Variants in DNMT3A observed in about 807,000 individuals in gnomAD.
DNMT3A encodes DNA (cytosine-5)-methyltransferase 3A.
A neutral mutation model predicts 117.6 loss-of-function variants in DNMT3A; 267 were observed. The ratio of observed to expected loss-of-function variants is 2.27; its 90% CI spans 2.05 to 2.51. DNMT3A has a LOEUF of 2.51. Ranked by LOEUF, DNMT3A falls within the 30% of genes most tolerant of loss-of-function variation. The pLI is 0.00. For missense variants in DNMT3A, 1,029 were observed against 1,260.2 expected (o/e 0.82, Z 2.78); for synonymous variants, 432 against 474.8 (o/e 0.91, Z 1.17).
chr2:25,333,910 T>C (rs1035398368), intron 1 of DNMT3A, among the ~76,000 whole-genome samples: 25 of 152,296 alleles, frequency 1.6e-4, no homozygotes, highest in African/African-American at 5.8e-4. Flanking sequence ...TGAGCACAAA[T>C]GGGGCTGAGA....
chr2:25,275,201 CT>C, intron 5 of DNMT3A, 114 bp from the exon 6 acceptor site: 1 of 1,385,084 alleles, frequency 7.2e-7, no homozygotes, highest in Non-Finnish European at 9.5e-7. Context: ...GAGGGCACCC[CT>C]GGGAGTGCTG....
intron 20 of DNMT3A, 99 bp downstream of exon 20, chr2:25,239,031 G>A: frequency 1.0e-6 from 1 of 978,870 alleles, no homozygotes; most frequent in Non-Finnish European, 1.5e-6. Flanking sequence ...TTCAGCAGAG[G>A]CCGGCCAGAG....
Position 25,247,464 on chromosome 2 carries a change from G to A in DNMT3A, c.1014+127C>T. 7.2e-7 allele frequency: 1 copy of A among 1,396,172 alleles called. No homozygotes were observed. The highest frequency in any genetic ancestry group is 9.7e-7 in the Non-Finnish European group (1 of 1,027,366). The allele number at this position is 1,396,172 out of a possible 1,614,324, so 86.5% of individuals were successfully genotyped here. A position where few individuals can be genotyped will look rare whatever the true frequency, so the allele number is the denominator to read the frequency against. On this transcript the variant is annotated intron_variant, in intron 8 of 22. Coordinates refer to ENST00000321117, the MANE Select transcript of DNMT3A (RefSeq NM_022552.5). This position sits in a 1 kb window ranked among gnomAD's most constrained non-coding sequence, Gnocchi z 5.6. Reference sequence around the variant, plus strand: ...CCTACAGCTTCTTCCACCCACCACAGGCAGAGTAGGGGTGAGCAGAACCCA... The same window carrying A: ...CCTACAGCTTCTTCCACCCACCACAAGCAGAGTAGGGGTGAGCAGAACCCA...
At chr2:25,244,446 G>A in intron 14 of DNMT3A, 94 bp downstream of exon 14, 2 of 1,573,456 alleles carry the variant, frequency 1.3e-6, no homozygotes, top group Non-Finnish European at 1.7e-6. Flanking sequence ...CTAGGGGGTG[G>A]AGGGTCTGTG....
At position 25,304,873 on chromosome 2, in the gene DNMT3A, C is replaced by A. The variant is rs1290209088; in HGVS notation, c.73-4630G>T. Among the ~76,000 whole-genome samples the A allele has an allele frequency of 1.3e-5, 2 of 152,224 alleles. No homozygotes were observed. The highest frequency in any genetic ancestry group is 4.8e-5 in the African/African-American group (2 of 41,446). On this transcript the variant is annotated intron_variant, in intron 2 of 22. Transcript: ENST00000321117. This position sits in a 1 kb window ranked among gnomAD's most constrained non-coding sequence, Gnocchi z 4.3. ...GTTACTCGCTTTTCCAGCCTCCTAT[C>A]CTGGATTCCCTGCCCCTAGGCCCCC... is the stretch of plus-strand genomic sequence containing the variant.
chr2:25,272,015 C>T (rs980026424), intron 6 of DNMT3A, among the ~76,000 whole-genome samples: 1 of 152,186 alleles, frequency 6.6e-6, no homozygotes, highest in Admixed American at 6.5e-5. Flanking sequence ...GAGACAGAGT[C>T]TCGTTCTGTC....
At chr2:25,317,191 AGGT>A (rs1398005677) in intron 1 of DNMT3A, among the ~76,000 whole-genome samples, 1 of 149,720 alleles carries the variant, frequency 6.7e-6, no homozygotes, top group Non-Finnish European at 1.5e-5. Context: ...CCTCCTGAGT[AGGT>A]GGGACTACAG....
rs768098292 is a variant in DNMT3A at position 25,311,300 on chromosome 2, G to T, written c.72+2613C>A. ...GCTCCCTGGGCTGCAGACCAAGCCTGTGTCTTCCCCTCTGCAGCTACCAGC... is the reference window on the plus strand; with the variant it reads ...GCTCCCTGGGCTGCAGACCAAGCCTTTGTCTTCCCCTCTGCAGCTACCAGC... On this transcript the variant is annotated intron_variant, in intron 2 of 22. Transcript: ENST00000321117. The surrounding 1 kb of genome is among the most constrained non-coding windows in gnomAD (Gnocchi z 5.2). 5.9e-5 allele frequency among the ~76,000 whole-genome samples: 9 copies of T among 152,212 alleles called. No homozygotes were observed. Among genetic ancestry groups the T allele is most frequent in the Non-Finnish European group, 1.2e-4 (8 of 68,036 alleles).
intron 6 of DNMT3A, among the ~76,000 whole-genome samples, chr2:25,259,244 G>C (rs1281592510): frequency 6.6e-6 from 1 of 152,254 alleles, no homozygotes; most frequent in East Asian, 1.9e-4. Context: ...TCCTGGAACT[G>C]CTGGGTCTGC....
At chr2:25,256,260 G>A (rs1046045843) in intron 6 of DNMT3A, among the ~76,000 whole-genome samples, 1 of 152,166 alleles carries the variant, frequency 6.6e-6, no homozygotes, top group Non-Finnish European at 1.5e-5. Flanking sequence ...AACACTCTGC[G>A]TGACATTCTA....
intron 6 of DNMT3A, among the ~76,000 whole-genome samples, chr2:25,256,977 A>G (rs1573368522): frequency 6.6e-6 from 1 of 152,180 alleles, no homozygotes; most frequent in African/African-American, 2.4e-5. Flanking sequence ...CTTATCCCAA[A>G]TCCACTGCCC....
At chr2:25,303,180 T>C (rs1273515915) in intron 2 of DNMT3A, among the ~76,000 whole-genome samples, 3 of 152,248 alleles carry the variant, frequency 2.0e-5, no homozygotes, top group Admixed American at 2.0e-4. Context: ...TTTGACTTTC[T>C]TTTATTCTGA....
chr2:25,239,043 G>C, intron 20 of DNMT3A, 87 bp downstream of exon 20: 1 of 1,174,296 alleles, frequency 8.5e-7, no homozygotes, highest in South Asian at 1.4e-5. Context: ...CGGCCAGAGA[G>C]GGCCCGGCTC....
Position 25,245,345 on chromosome 2 carries a change from G to A in DNMT3A, c.1475-13C>T, listed in dbSNP as rs1674625776. 1 of 1,612,626 alleles carries A rather than the reference G, an allele frequency of 6.2e-7. No homozygotes were observed. The highest frequency in any genetic ancestry group is 8.5e-7 in the Non-Finnish European group (1 of 1,179,086). On this transcript the variant is annotated splice_polypyrimidine_tract_variant and intron_variant, in intron 12 of 22. Coordinates refer to ENST00000321117, the MANE Select transcript of DNMT3A (RefSeq NM_022552.5). ...GAGATGCAGATGTCTGGAAAGCAGA[G>A]GGAGGGGATGGGGTGAGTACCACCG...
chr2:25,304,083 C>G lies in DNMT3A; in HGVS notation c.73-3840G>C, dbSNP rs150309819. Among the ~76,000 whole-genome samples the G allele has an allele frequency of 6.6e-6, 1 of 152,118 alleles. No individual in the cohort carries two copies. The highest frequency in any genetic ancestry group is 1.9e-4 in the East Asian group (1 of 5,198). On this transcript the variant is annotated intron_variant, in intron 2 of 22. Transcript: ENST00000321117. This position sits in a 1 kb window ranked among gnomAD's most constrained non-coding sequence, Gnocchi z 4.3. ...AGCTGAAGAACAGTAACACAGTTCG[C>G]GGGAACAGATTTGAGCCCAGGTTGG...
intron 2 of DNMT3A, among the ~76,000 whole-genome samples, chr2:25,307,845 C>T (rs973383429): frequency 1.3e-5 from 2 of 152,192 alleles, no homozygotes; most frequent in African/African-American, 4.8e-5. Context: ...GGGCTGGGCT[C>T]CATCCCTAAC....
intron 3 of DNMT3A, among the ~76,000 whole-genome samples, chr2:25,285,482 G>A (rs1271167991): frequency 6.6e-6 from 1 of 152,256 alleles, no homozygotes; most frequent in Non-Finnish European, 1.5e-5. Context: ...CTTTCCTGCT[G>A]TGCGGGGCAG....
chr2:25,294,699 T>C lies in DNMT3A; in HGVS notation c.177+5440A>G, dbSNP rs912637995. 1.3e-5 allele frequency among the ~76,000 whole-genome samples: 2 copies of C among 152,208 alleles called. No homozygotes were observed. Among genetic ancestry groups the C allele is most frequent in the Admixed American group, 6.5e-5 (1 of 15,288 alleles). On this transcript the variant is annotated intron_variant, in intron 3 of 22. Coordinates refer to ENST00000321117, the MANE Select transcript of DNMT3A (RefSeq NM_022552.5). This position sits in a 1 kb window ranked among gnomAD's most constrained non-coding sequence, Gnocchi z 4.7. ...AACCTCCAAGAGCTGCCATAAGCTG[T>C]ACCTAGCTGACTTTTGCCTGCAGCA... is the stretch of plus-strand genomic sequence containing the variant.
At chr2:25,300,627 AT>A (rs2033384547) in intron 2 of DNMT3A, among the ~76,000 whole-genome samples, 1 of 97,352 alleles carries the variant, frequency 1.0e-5, no homozygotes, top group Non-Finnish European at 2.1e-5. Context: ...TTATTTAGAT[AT>A]CTAAATAATA....
Sources: allele counts gnomAD v4.1 joint callset (sites outside exome capture counted in the v4.1 genomes callset), GRCh38; gene constraint gnomAD v4.1.1; non-coding constraint Gnocchi (gnomAD v3.1); transcripts MANE v1.5; gene names NCBI Gene and HGNC (gene_info 2026-07-23, HGNC 2026-07-21).